The following TFDP1 variants were observed in gnomAD, a reference collection of about 807,000 sequenced individuals.
TFDP1 encodes the protein transcription factor Dp-1, also known as DRTF1-polypeptide 1.
TFDP1 carries 6 observed loss-of-function variants against 48.0 expected under a neutral mutation model. The ratio of observed to expected loss-of-function variants is 0.13; its 90% CI spans 0.07 to 0.25. The LOEUF is 0.25. Ranked by LOEUF, TFDP1 falls within the 10% of genes least tolerant of loss-of-function variation. TFDP1 has a pLI of 1.00. For missense variants in TFDP1, 335 were observed against 543.0 expected (o/e 0.62, Z 3.81); for synonymous variants, 201 against 211.6 (o/e 0.95, Z 0.44).
intron 4 of TFDP1, among the ~76,000 whole-genome samples, chr13:113,628,720 A>G (rs1025481297): frequency 1.3e-5 from 2 of 151,850 alleles, no homozygotes; most frequent in Admixed American, 6.6e-5. Context: ...TTTTTTCCCT[A>G]GGGGCCCAGC....
At chr13:113,640,089 C>T (rs756426659) in intron 11 of TFDP1, 31 bp from the exon 12 acceptor site, 4 of 1,546,612 alleles carry the variant, frequency 2.6e-6, no homozygotes, top group Non-Finnish European at 3.5e-6. Flanking sequence ...GCCGCCTGCA[C>T]TGACGGCGCC....
At chr13:113,602,143 GAGGGAGGAGTGGACGGAGTTACCCA>G in intron 2 of TFDP1, among the ~76,000 whole-genome samples, 3 of 151,126 alleles carry the variant, frequency 2.0e-5, no homozygotes, top group African/African-American at 4.9e-5. Context: ...CGCAGGAGTT[GAGGGAGGAGTGGACGGAGTTACCCA>G]CAGGAGTCGA....
intron 3 of TFDP1, among the ~76,000 whole-genome samples, chr13:113,616,037 C>T (rs1274504528): frequency 6.6e-6 from 1 of 151,866 alleles, no homozygotes; most frequent in African/African-American, 2.4e-5. Context: ...ACCACCTCTC[C>T]ACTAAAAATA....
intron 4 of TFDP1, among the ~76,000 whole-genome samples, chr13:113,628,761 C>T (rs939101077): frequency 3.9e-5 from 6 of 152,252 alleles, no homozygotes; most frequent in Non-Finnish European, 7.3e-5. Context: ...ACTGTCCCAT[C>T]CACCCTTTGG....
chr13:113,589,304 C>T (rs1337592719), intron 2 of TFDP1, among the ~76,000 whole-genome samples: 1 of 152,208 alleles, frequency 6.6e-6, no homozygotes, highest in Admixed American at 6.5e-5. Flanking sequence ...GGCCACCTGG[C>T]TGGCTCCGGG....
chr13:113,632,879 G>A (rs1232823931), intron 5 of TFDP1, among the ~76,000 whole-genome samples: 4 of 152,222 alleles, frequency 2.6e-5, no homozygotes, highest in Non-Finnish European at 5.9e-5. Flanking sequence ...TTTCCCTGAC[G>A]CTTGGAAGGT....
At chr13:113,604,839 C>A (rs117909164) in intron 2 of TFDP1, among the ~76,000 whole-genome samples, 1,538 of 152,286 alleles carry the variant, frequency 0.01, 15 homozygotes, top group Middle Eastern at 0.037. Context: ...GCTGTTGTCT[C>A]AGGCAGGAAT....
chr13:113,640,675 G>A lies in TFDP1; in HGVS notation c.*408G>A, dbSNP rs2049620739. On this transcript the variant is annotated 3_prime_UTR_variant, in exon 12 of 12. Coordinates refer to ENST00000375370, the MANE Select transcript of TFDP1 (RefSeq NM_007111.5). Reference sequence around the variant, plus strand: ...CCGCTTATTTGCCGTGAGTTTGGACGGCACCCCTGCTGGCGGATAGCAAGA... The same window carrying A: ...CCGCTTATTTGCCGTGAGTTTGGACAGCACCCCTGCTGGCGGATAGCAAGA... 6 of 253,440 alleles carry A rather than the reference G, an allele frequency of 2.4e-5. No individual in the cohort carries two copies. Among genetic ancestry groups the A allele is most frequent in the Non-Finnish European group, 1.5e-5 (2 of 132,018 alleles). 15.7% of individuals were successfully genotyped at this position (253,440 alleles called of 1,614,324 possible). A position where few individuals can be genotyped will look rare whatever the true frequency, so the allele number is the denominator to read the frequency against.
intron 2 of TFDP1, among the ~76,000 whole-genome samples, chr13:113,587,840 A>G (rs192860295): frequency 1.3e-5 from 2 of 152,298 alleles, no homozygotes; most frequent in Admixed American, 6.5e-5. Flanking sequence ...AGAAGGGAAC[A>G]TCGATAACCA....
intron 2 of TFDP1, among the ~76,000 whole-genome samples, chr13:113,606,244 G>T (rs2048568853): frequency 6.6e-6 from 1 of 152,124 alleles, no homozygotes; most frequent in African/African-American, 2.4e-5. Context: ...GTGGTGGTGA[G>T]TGTCCGCAGG....
Position 113,634,578 on chromosome 13 carries a change from T to C in TFDP1, c.663T>C (p.Ser221=), listed in dbSNP as rs143750751. Residue 221 remains serine, a synonymous_variant, in exon 8 of 12, where the codon TCT becomes TCC. Transcript: ENST00000375370. ...RRLERIKQKQ[S]QLQELILQQI... ...TTGAAAGAATAAAACAGAAACAGTC[T>C]CAACTTCAAGAACTTATTCTACAGG... 3.7e-6 allele frequency: 6 copies of C among 1,613,044 alleles called. No individual in the cohort carries two copies. The African/African-American group carries it at 8.0e-5, about 22-fold the overall frequency.
At chr13:113,634,426 T>G (rs2049418595) in intron 7 of TFDP1, 108 bp from the exon 8 acceptor site, 1 of 926,964 alleles carries the variant, frequency 1.1e-6, no homozygotes, top group Admixed American at 2.2e-5. Flanking sequence ...TTCGATTACA[T>G]TCTGGGTAAA....
chr13:113,586,165 G>A (rs2047998707), intron 2 of TFDP1: 1 of 237,460 alleles, frequency 4.2e-6, no homozygotes. Context: ...ATTAAATTGA[G>A]GTGGAGGGTG....
At chr13:113,628,276 G>A (rs1322958628) in intron 4 of TFDP1, among the ~76,000 whole-genome samples, 1 of 151,462 alleles carries the variant, frequency 6.6e-6, no homozygotes, top group Non-Finnish European at 1.5e-5. Context: ...TGTAAAGACT[G>A]TGTCTGGAGC....
At chr13:113,608,016 C>A (rs902394142) in intron 2 of TFDP1, among the ~76,000 whole-genome samples, 1 of 152,184 alleles carries the variant, frequency 6.6e-6, no homozygotes, top group African/African-American at 2.4e-5. Flanking sequence ...TTTACAGACA[C>A]GAGCGTCACA....
chr13:113,592,048 G>C (rs1345551258), intron 2 of TFDP1, among the ~76,000 whole-genome samples: 1 of 152,232 alleles, frequency 6.6e-6, no homozygotes, highest in East Asian at 1.9e-4. Flanking sequence ...TGGCTTTTAA[G>C]TTGTCGCACA....
intron 4 of TFDP1, among the ~76,000 whole-genome samples, chr13:113,628,283 G>GCCGTGTAAAGACTGTGTCTGA (rs2049241982): frequency 1.4e-5 from 2 of 143,936 alleles, no homozygotes; most frequent in African/African-American, 2.9e-5. Flanking sequence ...ACTGTGTCTG[G>GCCGTGTAAAGACTGTGTCTGA]AGCCGTGTAA....
At position 113,594,020 on chromosome 13, in the gene TFDP1, T is replaced by C. The variant is rs1204446319; in HGVS notation, c.12+8171T>C. 5.9e-5 allele frequency among the ~76,000 whole-genome samples: 8 copies of C among 136,340 alleles called. 1 individual carries two copies. In the Admixed American group the frequency reaches 6.0e-4, roughly 10 times the overall value. 89.4% of individuals were successfully genotyped at this position (136,340 alleles called of 152,430 possible). On this transcript the variant is annotated intron_variant, in intron 2 of 11. Coordinates refer to ENST00000375370, the MANE Select transcript of TFDP1 (RefSeq NM_007111.5). ...CCTCACCCTGCCCAGGTGACAGTTG[T>C]GCTGTGTGCAGGTCCTCACCCACCC...
At chr13:113,618,558 C>T (rs1200699493) in intron 3 of TFDP1, among the ~76,000 whole-genome samples, 1 of 152,144 alleles carries the variant, frequency 6.6e-6, no homozygotes, top group African/African-American at 2.4e-5. Context: ...AAATAACATT[C>T]TATCCTGAGG....
Sources: gnomAD v4.1 joint callset for allele counts (sites outside exome capture counted in the v4.1 genomes callset) on GRCh38, gnomAD v4.1.1 for gene constraint, MANE v1.5 for transcripts, NCBI Gene and HGNC (gene_info 2026-07-23, HGNC 2026-07-21) for gene names.